The following TNPO3 variants were observed in gnomAD, a reference collection of about 807,000 sequenced individuals.
TNPO3 encodes the protein transportin-3.
Under a neutral mutation model 122.8 loss-of-function variants are expected in TNPO3, and 65 were observed. That is an observed-to-expected ratio of 0.53 (90% CI 0.43 to 0.65). The LOEUF (loss-of-function observed/expected upper bound fraction) is 0.65, where lower values mean the gene tolerates loss of function less well. TNPO3 is among the 30% of genes least tolerant of loss of function. The probability of loss-of-function intolerance (pLI) is 0.00; values close to 1 mark genes in which losing one functional copy is unlikely to be tolerated. For missense variants in TNPO3, 850 were observed against 1,136.7 expected (o/e 0.75, Z 3.63); for synonymous variants, 372 against 411.2 (o/e 0.90, Z 1.15).
rs535448114 is a variant in TNPO3 at position 128,973,640 on chromosome 7, G to A, written c.2274-1058C>T. Among the ~76,000 whole-genome samples the A allele has an allele frequency of 4.8e-5, 7 of 145,076 alleles. No homozygotes were observed. The South Asian group carries it at 1.5e-3, about 32-fold the overall frequency. ...AGTCCCAGCTACTCGGGAGGCTGAG[G>A]CAGGAGAATGGCGTGAACCCAGGAG... is the stretch of plus-strand genomic sequence containing the variant. On this transcript the variant is annotated intron_variant, in intron 18 of 22. Coordinates refer to ENST00000265388, the MANE Select transcript of TNPO3 (RefSeq NM_012470.4).
intron 16 of TNPO3, among the ~76,000 whole-genome samples, chr7:128,977,059 A>G (rs946775113): frequency 1.3e-5 from 2 of 152,238 alleles, no homozygotes; most frequent in Non-Finnish European, 2.9e-5. Context: ...GCTATAGCTC[A>G]GTAAAACATT....
At chr7:128,970,008 A>C (rs1798298555) in intron 20 of TNPO3, 140 bp downstream of exon 20, 2 of 842,022 alleles carry the variant, frequency 2.4e-6, no homozygotes, top group Admixed American at 4.7e-5. Context: ...TTCATCTACC[A>C]ATCTAATTTG....
At chr7:128,977,280 T>C (rs1799155650) in intron 16 of TNPO3, among the ~76,000 whole-genome samples, 2 of 152,318 alleles carry the variant, frequency 1.3e-5, no homozygotes, top group South Asian at 2.1e-4. Context: ...GTCATGAGGG[T>C]ATCCTCCAAC....
At position 129,031,110 on chromosome 7, in the gene TNPO3, C is replaced by T. The variant is rs1432187922; in HGVS notation, c.121-12953G>A. 5.3e-5 allele frequency among the ~76,000 whole-genome samples: 8 copies of T among 152,202 alleles called. No individual in the cohort carries two copies. The South Asian group carries it at 1.0e-3, about 20-fold the overall frequency. On this transcript the variant is annotated intron_variant, in intron 1 of 22. Coordinates refer to ENST00000265388, the MANE Select transcript of TNPO3 (RefSeq NM_012470.4). ...GACCAGCCTGGCCAACACGTTGAAACCCTGTCTCTACTAAAAATACAAAAA... is the reference window on the plus strand; with the variant it reads ...GACCAGCCTGGCCAACACGTTGAAATCCTGTCTCTACTAAAAATACAAAAA...
chr7:128,997,556 A>G, intron 7 of TNPO3, 21 bp from the exon 8 acceptor site: 1 of 1,598,042 alleles, frequency 6.3e-7, no homozygotes, highest in South Asian at 1.1e-5. Flanking sequence ...AAAAGAGATG[A>G]TTTATTTGAA....
chr7:128,987,907 G>T (rs993354399), intron 11 of TNPO3, among the ~76,000 whole-genome samples: 6 of 152,004 alleles, frequency 3.9e-5, no homozygotes, highest in Non-Finnish European at 7.4e-5. Flanking sequence ...AAAGGTCATT[G>T]TGAGTACTTT....
intron 5 of TNPO3, among the ~76,000 whole-genome samples, chr7:129,002,815 G>T (rs1802097163): frequency 6.6e-6 from 1 of 152,084 alleles, no homozygotes; most frequent in African/African-American, 2.4e-5. Flanking sequence ...CACTTTGGGA[G>T]GCTGAGGCCG....
At chr7:128,997,787 G>A (rs1293824476) in intron 7 of TNPO3, among the ~76,000 whole-genome samples, 1 of 152,090 alleles carries the variant, frequency 6.6e-6, no homozygotes, top group Non-Finnish European at 1.5e-5. Context: ...GCCTCCAAAA[G>A]TATACTGAAT....
rs773071988 is a variant in TNPO3, at chr7:128,974,912, C to T, written c.2229G>A (p.Gln743=). 8.1e-6 allele frequency: 13 copies of T among 1,614,192 alleles called. No individual in the cohort carries two copies. Among genetic ancestry groups the T allele is most frequent in the Non-Finnish European group, 1.1e-5 (13 of 1,180,036 alleles). ...GGTCATCTACAGTGTCAGGGTGATT[C>T]TGGAGACCATTCTGCTGTTCTAGGA... ...FQLLEQQNGL[Q]NHPDTVDDLF... Residue 743 remains glutamine, a synonymous_variant, in exon 18 of 23, where the codon CAG becomes CAA. Transcript: ENST00000265388.
In TNPO3 at chr7:129,054,886, C is replaced by T. The variant is rs1369534282; in HGVS notation, c.-116G>A. ...GCCACGGCCGCTCCCTGACTGGCGC[C>T]ATCTCCTCCTCTTTGGCCGTTACCA... On this transcript the variant is annotated 5_prime_UTR_variant, in exon 1 of 23. An upstream start codon of the reference 5' UTR is lost. Coordinates refer to ENST00000265388, the MANE Select transcript of TNPO3 (RefSeq NM_012470.4). 2 of 1,409,374 alleles carry T rather than the reference C, an allele frequency of 1.4e-6. No individual in the cohort carries two copies. Among genetic ancestry groups the T allele is most frequent in the Non-Finnish European group, 2.0e-6 (2 of 1,025,374 alleles). The allele number at this position is 1,409,374 out of a possible 1,614,324, so 87.3% of individuals were successfully genotyped here.
intron 13 of TNPO3, among the ~76,000 whole-genome samples, chr7:128,982,872 C>T (rs912999421): frequency 1.3e-5 from 2 of 152,178 alleles, no homozygotes; most frequent in Non-Finnish European, 2.9e-5. Flanking sequence ...AGTTATTGCA[C>T]TATAAATATA....
At chr7:129,022,521 A>C (rs1258751221) in intron 1 of TNPO3, among the ~76,000 whole-genome samples, 3 of 152,074 alleles carry the variant, frequency 2.0e-5, no homozygotes, top group Admixed American at 6.6e-5. Context: ...AAAGACATGA[A>C]ACTATACATT....
At chr7:129,021,062 TGGA>T (rs769845552) in intron 1 of TNPO3, among the ~76,000 whole-genome samples, 1 of 151,550 alleles carries the variant, frequency 6.6e-6, no homozygotes, top group Non-Finnish European at 1.5e-5. Flanking sequence ...CAGTTGAAAA[TGGA>T]GGAGGTTTGG....
chr7:128,969,381 ATAT>A (rs1563087807), intron 20 of TNPO3, among the ~76,000 whole-genome samples: 1 of 152,176 alleles, frequency 6.6e-6, no homozygotes, highest in African/African-American at 2.4e-5. Context: ...TATCTGTTAT[ATAT>A]TATTATTATC....
chr7:129,054,400 C>T (rs1809211864), intron 1 of TNPO3, among the ~76,000 whole-genome samples: 1 of 152,162 alleles, frequency 6.6e-6, no homozygotes, highest in African/African-American at 2.4e-5. Flanking sequence ...AGATTGATGC[C>T]ACAATCGAAG....
intron 8 of TNPO3, 140 bp from the exon 9 acceptor site, chr7:128,994,054 AT>A: frequency 1.5e-6 from 1 of 681,366 alleles, no homozygotes; most frequent in Non-Finnish European, 2.4e-6. Flanking sequence ...AGGGTATTTT[AT>A]TTTAGACAGA....
At chr7:129,016,182 C>A (rs1803835999) in intron 3 of TNPO3, among the ~76,000 whole-genome samples, 1 of 152,118 alleles carries the variant, frequency 6.6e-6, no homozygotes, top group Non-Finnish European at 1.5e-5. Flanking sequence ...GTGGGCAGAT[C>A]ACTTGAGGTC....
chr7:129,027,592 C>CAAAAAAAAAA (rs796831706), intron 1 of TNPO3, among the ~76,000 whole-genome samples: 1 of 61,704 alleles, frequency 1.6e-5, no homozygotes, highest in African/African-American at 6.3e-5. Context: ...AAAAAAAAAA[C>CAAAAAAAAAA]AACACAAAAA....
intron 20 of TNPO3, among the ~76,000 whole-genome samples, chr7:128,968,856 G>A (rs949939432): frequency 1.3e-5 from 2 of 151,746 alleles, no homozygotes; most frequent in Admixed American, 1.3e-4. Context: ...GACTATAGAT[G>A]TATGCCACCA....
Sources: gnomAD v4.1 joint callset for allele counts (sites outside exome capture counted in the v4.1 genomes callset) on GRCh38, gnomAD v4.1.1 for gene constraint, MANE v1.5 for transcripts, NCBI Gene and HGNC (gene_info 2026-07-23, HGNC 2026-07-21) for gene names.